The following PAK5 variants were observed in gnomAD, a reference collection of about 807,000 sequenced individuals.
PAK5 encodes the protein serine/threonine-protein kinase PAK 5.
In PAK5, 16 loss-of-function variants were observed where a neutral mutation model predicts 65.9. The ratio of observed to expected loss-of-function variants is 0.24; its 90% CI spans 0.16 to 0.37. PAK5 has a LOEUF of 0.37. Ranked by LOEUF, PAK5 falls within the 10% of genes least tolerant of loss-of-function variation. PAK5 has a pLI of 1.00. For synonymous variants in PAK5, 371 were observed against 354.9 expected, an observed-to-expected ratio of 1.05 and a Z score of -0.51; for missense variants, 785 against 903.9, an observed-to-expected ratio of 0.87 and a Z score of 1.69.
rs1330882580 is a variant in PAK5, at chr20:9,786,683, A to G, written c.-162+52079T>C. ...TTTAAATATACTCTAAGATACACCT[A>G]TATAATTGATATGTGGATAAGAGGA... On this transcript the variant is annotated intron_variant, in intron 1 of 9. Coordinates refer to ENST00000353224, the MANE Select transcript of PAK5 (RefSeq NM_177990.4). Among the ~76,000 whole-genome samples the G allele has an allele frequency of 2.6e-5, 4 of 152,084 alleles. 1 individual carries two copies. Among genetic ancestry groups the G allele is most frequent in the Admixed American group, 2.0e-4 (3 of 15,260 alleles).
At chr20:9,813,103 T>C (rs772762965) in intron 1 of PAK5, among the ~76,000 whole-genome samples, 24 of 152,078 alleles carry the variant, frequency 1.6e-4, no homozygotes, top group Non-Finnish European at 2.9e-5. Context: ...AATCCCAAAA[T>C]AACTGTGATG....
intron 1 of PAK5, among the ~76,000 whole-genome samples, chr20:9,734,916 T>C (rs2048372572): frequency 6.6e-6 from 1 of 152,216 alleles, no homozygotes; most frequent in African/African-American, 2.4e-5. Context: ...TCCCTGTGGC[T>C]GACTCAGAAG....
intron 1 of PAK5, among the ~76,000 whole-genome samples, chr20:9,802,181 A>G (rs1429560524): frequency 6.6e-6 from 1 of 152,168 alleles, no homozygotes; most frequent in African/African-American, 2.4e-5. Context: ...GTGGGCAATA[A>G]GTGGGATCTC....
chr20:9,576,584 A>G (rs1319992565), intron 4 of PAK5, among the ~76,000 whole-genome samples: 2 of 152,208 alleles, frequency 1.3e-5, no homozygotes, highest in Non-Finnish European at 2.9e-5. Flanking sequence ...GGATGATGCA[A>G]CCTAGTTGTG....
chr20:9,551,560 C>A (rs780407817), intron 7 of PAK5, among the ~76,000 whole-genome samples: 27 of 152,146 alleles, frequency 1.8e-4, no homozygotes, highest in Non-Finnish European at 3.4e-4. Flanking sequence ...ATCCACAGGG[C>A]AGCTACAGGT....
chr20:9,554,406 G>A (rs1241874103), intron 7 of PAK5, among the ~76,000 whole-genome samples: 1 of 152,190 alleles, frequency 6.6e-6, no homozygotes, highest in Non-Finnish European at 1.5e-5. Flanking sequence ...TATTTTGTAG[G>A]TGATCTGGTG....
chr20:9,772,790 C>T (rs2048848542), intron 1 of PAK5, among the ~76,000 whole-genome samples: 1 of 152,206 alleles, frequency 6.6e-6, no homozygotes, highest in African/African-American at 2.4e-5. Context: ...TATTTCAAGG[C>T]ATCCCTATTC....
chr20:9,779,715 C>T (rs2048922349), intron 1 of PAK5, among the ~76,000 whole-genome samples: 1 of 151,822 alleles, frequency 6.6e-6, no homozygotes, highest in Admixed American at 6.6e-5. Context: ...TTAATTATAG[C>T]CCCTTAGAAC....
intron 1 of PAK5, among the ~76,000 whole-genome samples, chr20:9,757,865 C>A (rs1198105358): frequency 6.6e-6 from 1 of 152,140 alleles, no homozygotes; most frequent in Non-Finnish European, 1.5e-5. Flanking sequence ...TAAAATGCAT[C>A]CACTCTTTAT....
intron 1 of PAK5, among the ~76,000 whole-genome samples, chr20:9,747,799 C>T (rs967703608): frequency 6.6e-6 from 1 of 150,452 alleles, no homozygotes; most frequent in African/African-American, 2.4e-5. Flanking sequence ...CCTCTCTCAC[C>T]ACTCCTATTC....
intron 2 of PAK5, among the ~76,000 whole-genome samples, chr20:9,659,432 G>A (rs1456499749): frequency 6.6e-6 from 1 of 152,154 alleles, no homozygotes; most frequent in East Asian, 1.9e-4. Flanking sequence ...CTTCATATGG[G>A]CAACTGCAAT....
At chr20:9,720,715 A>C (rs1042188822) in intron 1 of PAK5, among the ~76,000 whole-genome samples, 17 of 152,168 alleles carry the variant, frequency 1.1e-4, no homozygotes, top group Admixed American at 3.9e-4. Flanking sequence ...AATGACCATC[A>C]AGAGGTGATT....
intron 3 of PAK5, among the ~76,000 whole-genome samples, chr20:9,585,161 T>C (rs1027259613): frequency 4.6e-5 from 7 of 152,210 alleles, no homozygotes; most frequent in African/African-American, 1.7e-4. Flanking sequence ...ATTCTATCCA[T>C]CTTAAACAAT....
At chr20:9,742,362 A>G (rs777860952) in intron 1 of PAK5, among the ~76,000 whole-genome samples, 14 of 152,218 alleles carry the variant, frequency 9.2e-5, no homozygotes, top group Non-Finnish European at 1.3e-4. Context: ...TCGGCCTGTA[A>G]TAAAAATAAG....
intron 1 of PAK5, among the ~76,000 whole-genome samples, chr20:9,772,190 A>G (rs1018585224): frequency 1.3e-5 from 2 of 152,244 alleles, no homozygotes; most frequent in African/African-American, 4.8e-5. Flanking sequence ...GAAATGATAA[A>G]GAATCCAAAG....
At chr20:9,807,300 T>C (rs1384983774) in intron 1 of PAK5, among the ~76,000 whole-genome samples, 6 of 152,178 alleles carry the variant, frequency 3.9e-5, no homozygotes, top group Admixed American at 3.9e-4. Flanking sequence ...GTTTCCTCCA[T>C]TTCAAATGCC....
chr20:9,768,756 C>T (rs2048799077), intron 1 of PAK5, among the ~76,000 whole-genome samples: 1 of 130,056 alleles, frequency 7.7e-6, no homozygotes, highest in Admixed American at 9.5e-5. Context: ...GCACTCCAGC[C>T]TGGGCAACAG....
intron 2 of PAK5, among the ~76,000 whole-genome samples, chr20:9,646,346 A>G (rs1018057624): frequency 4.6e-5 from 7 of 152,326 alleles, no homozygotes; most frequent in South Asian, 4.1e-4. Context: ...GTCAAAACCC[A>G]TCGCATTCAT....
chr20:9,578,503 C>T (rs6039510), intron 4 of PAK5, among the ~76,000 whole-genome samples: 2 of 151,900 alleles, frequency 1.3e-5, no homozygotes, highest in Non-Finnish European at 2.9e-5. Context: ...ATCATCTGGG[C>T]AATGTTTTCT....
Sources: allele counts gnomAD v4.1 joint callset (sites outside exome capture counted in the v4.1 genomes callset), GRCh38; gene constraint gnomAD v4.1.1; transcripts MANE v1.5; gene names NCBI Gene and HGNC (gene_info 2026-07-23, HGNC 2026-07-21).